CDC42BPA: variants seen among roughly 807,000 people sequenced by gnomAD.
CDC42BPA encodes CDC42 binding protein kinase alpha.
CDC42BPA carries 80 observed loss-of-function variants against 223.5 expected under a neutral mutation model. The observed-to-expected ratio is 0.36, with a 90% CI of 0.30 to 0.43. The LOEUF (loss-of-function observed/expected upper bound fraction) is 0.43. Ranked by LOEUF, CDC42BPA falls within the 20% of genes least tolerant of loss-of-function variation. CDC42BPA has a pLI of 1.00. For synonymous variants in CDC42BPA, 694 were observed against 718.6 expected, an observed-to-expected ratio of 0.97 and a Z score of 0.55; for missense variants, 1,743 against 2,099.9, an observed-to-expected ratio of 0.83 and a Z score of 3.32.
At position 227,238,038 on chromosome 1, in the gene CDC42BPA, C is replaced by CAAA. The variant is rs35731369; in HGVS notation, c.270+16023_270+16025dup. On this transcript the variant is annotated intron_variant, in intron 2 of 36. Transcript: ENST00000366766. ...GGGAAAGAAGAGCAAAACTCTGTCT[C>CAAA]AAAAAAAAAAAAAAAAAAAAAGTTT... 7.9e-3 allele frequency among the ~76,000 whole-genome samples: 721 copies of CAAA among 91,098 alleles called. 10 individuals are homozygous for CAAA. The highest frequency in any genetic ancestry group is 0.029 in the African/African-American group (613 of 21,496). 59.8% of individuals were successfully genotyped at this position (91,098 alleles called of 152,430 possible).
chr1:227,009,313 A>G (rs1664722290), intron 34 of CDC42BPA, among the ~76,000 whole-genome samples: 2 of 152,206 alleles, frequency 1.3e-5, no homozygotes, highest in Admixed American at 6.5e-5. Flanking sequence ...ACAAATATGT[A>G]TAAGATTAGG....
At chr1:227,169,516 C>T (rs894667447) in intron 5 of CDC42BPA, among the ~76,000 whole-genome samples, 2 of 152,096 alleles carry the variant, frequency 1.3e-5, no homozygotes, top group African/African-American at 4.8e-5. Flanking sequence ...GAAGCTATCA[C>T]TCAGGGGTCA....
At chr1:227,297,606 A>G (rs1490033109) in intron 1 of CDC42BPA, among the ~76,000 whole-genome samples, 1 of 152,200 alleles carries the variant, frequency 6.6e-6, no homozygotes, top group Non-Finnish European at 1.5e-5. Flanking sequence ...ATTCAGCCAT[A>G]AACAGGAATG....
chr1:227,100,775 T>TGTGTGTGTGTGTGTGG (rs1222318332), intron 15 of CDC42BPA, among the ~76,000 whole-genome samples: 1 of 124,324 alleles, frequency 8.0e-6, no homozygotes, highest in Admixed American at 9.1e-5. Flanking sequence ...TGTGTGTGTG[T>TGTGTGTGTGTGTGTGG]GTGCGTGTGC....
intron 10 of CDC42BPA, among the ~76,000 whole-genome samples, chr1:227,138,426 T>C (rs1246941506): frequency 6.7e-6 from 1 of 148,958 alleles, no homozygotes. Context: ...TATTCTAACA[T>C]TCAAAGGTCG....
At chr1:227,154,976 C>CA (rs1276295432) in intron 6 of CDC42BPA, among the ~76,000 whole-genome samples, 1 of 152,098 alleles carries the variant, frequency 6.6e-6, no homozygotes, top group Non-Finnish European at 1.5e-5. Flanking sequence ...GCAAACACCT[C>CA]ACCATCAGAA....
chr1:227,138,436 G>A (rs1452556024), intron 10 of CDC42BPA, among the ~76,000 whole-genome samples: 5 of 140,280 alleles, frequency 3.6e-5, no homozygotes, highest in East Asian at 2.1e-4. Flanking sequence ...TTCAAAGGTC[G>A]AAGAGTTAAG....
In CDC42BPA at chr1:227,317,768, G is replaced by C; in HGVS notation, c.-586C>G. 2.5e-6 allele frequency: 1 copy of C among 398,566 alleles called. No homozygotes were observed. The highest frequency in any genetic ancestry group is 4.4e-6 in the Non-Finnish European group (1 of 226,098). The allele number at this position is 398,566 out of a possible 1,614,324, so 24.7% of individuals were successfully genotyped here. A position where few individuals can be genotyped will look rare whatever the true frequency, so the allele number is the denominator to read the frequency against. On this transcript the variant is annotated 5_prime_UTR_variant, in exon 1 of 37. Coordinates refer to ENST00000366766, the MANE Select transcript of CDC42BPA (RefSeq NM_001394014.1). Reference sequence around the variant, plus strand: ...CAGCGGCAATTTCTCCAGCGGGAAAGGGAGGGGGCGAGGTCCCTGAAGCAG... The same window carrying C: ...CAGCGGCAATTTCTCCAGCGGGAAACGGAGGGGGCGAGGTCCCTGAAGCAG...
intron 2 of CDC42BPA, among the ~76,000 whole-genome samples, chr1:227,220,641 AC>A (rs1675740254): frequency 6.6e-6 from 1 of 151,378 alleles, no homozygotes. Context: ...CAGACCTTTT[AC>A]ATTCCCTCAT....
At chr1:227,168,497 G>GTTTTTTTTTTTTGTTTTTTT (rs1553374261) in intron 5 of CDC42BPA, among the ~76,000 whole-genome samples, 3,639 of 79,644 alleles carry the variant, frequency 0.046, 609 homozygotes, top group Middle Eastern at 0.1. Flanking sequence ...CTTCCCTGGT[G>GTTTTTTTTTTTTGTTTTTTT]TTTTTTTTTT....
At chr1:227,059,963 C>T (rs544237457) in intron 21 of CDC42BPA, among the ~76,000 whole-genome samples, 1 of 151,910 alleles carries the variant, frequency 6.6e-6, no homozygotes, top group East Asian at 1.9e-4. Flanking sequence ...GGGACTTTCA[C>T]CTTTCTAACA....
At chr1:227,271,569 C>A (rs1277737577) in intron 1 of CDC42BPA, among the ~76,000 whole-genome samples, 3 of 151,880 alleles carry the variant, frequency 2.0e-5, no homozygotes, top group African/African-American at 7.3e-5. Flanking sequence ...TAGATATATT[C>A]TTTATTGGAA....
chr1:227,139,787 G>C (rs759911104), intron 9 of CDC42BPA, 45 bp from the exon 10 acceptor site: 32 of 1,252,850 alleles, frequency 2.6e-5, no homozygotes, highest in Non-Finnish European at 3.2e-5. Flanking sequence ...GTGATAAAAA[G>C]CTTGAAGAAA....
chr1:227,150,401 T>C (rs1201102060), intron 6 of CDC42BPA, among the ~76,000 whole-genome samples: 2 of 152,090 alleles, frequency 1.3e-5, no homozygotes, highest in African/African-American at 2.4e-5. Context: ...GAATTATTAA[T>C]AACTAAGAAT....
chr1:227,222,821 T>G (rs1031186176), intron 2 of CDC42BPA, among the ~76,000 whole-genome samples: 1 of 152,212 alleles, frequency 6.6e-6, no homozygotes, highest in Non-Finnish European at 1.5e-5. Context: ...TTAAATAAAT[T>G]TGTATGCCTT....
At chr1:227,101,833 T>A (rs570955374) in intron 14 of CDC42BPA, among the ~76,000 whole-genome samples, 1 of 152,216 alleles carries the variant, frequency 6.6e-6, no homozygotes, top group East Asian at 1.9e-4. Context: ...GAGAAGAAAT[T>A]GGGTTGAAAT....
At chr1:227,261,653 T>C (rs977223779) in intron 1 of CDC42BPA, among the ~76,000 whole-genome samples, 2 of 152,124 alleles carry the variant, frequency 1.3e-5, no homozygotes, top group African/African-American at 2.4e-5. Context: ...CAGGAATAGA[T>C]GCTGCAAAAG....
intron 17 of CDC42BPA, among the ~76,000 whole-genome samples, chr1:227,077,320 A>G (rs1679697306): frequency 6.6e-6 from 1 of 152,180 alleles, no homozygotes. Context: ...AATACATGTG[A>G]ATTTCCAGCC....
At chr1:227,199,707 T>C in intron 3 of CDC42BPA, 55 bp from the exon 4 acceptor site, 1 of 813,778 alleles carries the variant, frequency 1.2e-6, no homozygotes. Context: ...CTAGGAAATA[T>C]ACAAAGAATT....
Sources: gnomAD v4.1 joint callset for allele counts (sites outside exome capture counted in the v4.1 genomes callset) on GRCh38, gnomAD v4.1.1 for gene constraint, MANE v1.5 for transcripts, NCBI Gene and HGNC (gene_info 2026-07-23, HGNC 2026-07-21) for gene names.